Variants in MED15 observed in about 807,000 individuals in gnomAD.
The protein encoded by MED15 is mediator complex subunit 15.
Under a neutral mutation model 118.7 loss-of-function variants are expected in MED15, and 41 were observed. That is an observed-to-expected ratio of 0.35 (90% CI 0.27 to 0.45). The LOEUF (loss-of-function observed/expected upper bound fraction) is 0.45. MED15 is among the 20% of genes least tolerant of loss of function. The pLI, the probability that MED15 is intolerant of heterozygous loss-of-function variation, is 1.00. For missense variants in MED15, 740 were observed against 1,025.5 expected (o/e 0.72, Z 3.80); for synonymous variants, 436 against 413.9 (o/e 1.05, Z -0.65).
chr22:20,530,815 G>A (rs1569184366), intron 1 of MED15, among the ~76,000 whole-genome samples: 1 of 152,190 alleles, frequency 6.6e-6, no homozygotes, highest in Non-Finnish European at 1.5e-5. Context: ...GAGCTCCAAT[G>A]GGAGGGTGGC....
intron 9 of MED15, among the ~76,000 whole-genome samples, chr22:20,578,309 C>T (rs913577086): frequency 1.3e-5 from 2 of 152,196 alleles, no homozygotes; most frequent in Non-Finnish European, 2.9e-5. Flanking sequence ...GGGAGAAAAG[C>T]GAATAGAGGG....
At chr22:20,562,599 G>T (rs2056285968) in intron 5 of MED15, among the ~76,000 whole-genome samples, 1 of 152,056 alleles carries the variant, frequency 6.6e-6, no homozygotes, top group South Asian at 2.1e-4. Flanking sequence ...GGCCAAGCTG[G>T]TCTCAAACTC....
intron 5 of MED15, among the ~76,000 whole-genome samples, chr22:20,558,157 C>T (rs1207997832): frequency 1.3e-5 from 2 of 152,098 alleles, no homozygotes; most frequent in Admixed American, 6.5e-5. Flanking sequence ...ATCTTGTTAC[C>T]ACCTTTGTCA....
At chr22:20,523,401 G>A (rs1274597653) in intron 1 of MED15, among the ~76,000 whole-genome samples, 4 of 152,128 alleles carry the variant, frequency 2.6e-5, no homozygotes, top group East Asian at 3.9e-4. Context: ...GTTCCCAGAA[G>A]TAGAGATAAT....
intron 13 of MED15, 176 bp from the exon 14 acceptor site, chr22:20,584,183 G>C (rs935581462): frequency 1.7e-5 from 11 of 642,782 alleles, no homozygotes; most frequent in African/African-American, 7.2e-5. Context: ...GGGACAAGCA[G>C]CTCCTGGGGT....
chr22:20,560,964 G>C (rs1332867001), intron 5 of MED15, among the ~76,000 whole-genome samples: 1 of 152,162 alleles, frequency 6.6e-6, no homozygotes, highest in Non-Finnish European at 1.5e-5. Context: ...GGGAGATAGA[G>C]CGTGAATATC....
chr22:20,575,307 G>T, intron 9 of MED15, 75 bp downstream of exon 9: 1 of 1,533,244 alleles, frequency 6.5e-7, no homozygotes. Flanking sequence ...AAGCGCACCT[G>T]TCATTATCAT....
intron 5 of MED15, among the ~76,000 whole-genome samples, chr22:20,562,257 A>T (rs1398329995): frequency 6.6e-6 from 1 of 152,226 alleles, no homozygotes; most frequent in African/African-American, 2.4e-5. Flanking sequence ...CAAAAAATTC[A>T]TTTACAGAAA....
intron 1 of MED15, among the ~76,000 whole-genome samples, chr22:20,513,014 A>G (rs971793479): frequency 1.9e-4 from 29 of 152,020 alleles, no homozygotes; most frequent in Non-Finnish European, 1.5e-5. Context: ...TGCTGAGATT[A>G]CAGACATGAG....
chr22:20,567,068 G>T (rs11705359), intron 7 of MED15, among the ~76,000 whole-genome samples: 17,134 of 152,188 alleles, frequency 0.11, 1,272 homozygotes, highest in Non-Finnish European at 0.15. Flanking sequence ...GCACCAAGTC[G>T]CATTCCAAGC....
intron 5 of MED15, among the ~76,000 whole-genome samples, chr22:20,564,194 T>C (rs1487534338): frequency 6.6e-6 from 1 of 152,216 alleles, no homozygotes; most frequent in African/African-American, 2.4e-5. Context: ...GGCTTCTTAT[T>C]TATCCAAAAG....
At chr22:20,547,520 C>A (rs948286953) in intron 2 of MED15, among the ~76,000 whole-genome samples, 1 of 152,058 alleles carries the variant, frequency 6.6e-6, no homozygotes, top group Non-Finnish European at 1.5e-5. Context: ...CGTGTCTCTC[C>A]AAAAAATACA....
chr22:20,518,746 C>A, intron 1 of MED15: 1 of 371,164 alleles, frequency 2.7e-6, no homozygotes, highest in East Asian at 8.0e-5. Flanking sequence ...TTAATTAAAG[C>A]CTGCCATGGT....
chr22:20,563,641 C>G (rs964869963), intron 5 of MED15, among the ~76,000 whole-genome samples: 8 of 152,090 alleles, frequency 5.3e-5, no homozygotes, highest in Non-Finnish European at 4.4e-5. Flanking sequence ...GTACACACAC[C>G]CACACAAGTG....
chr22:20,563,416 G>C (rs2056316807), intron 5 of MED15, among the ~76,000 whole-genome samples: 1 of 152,280 alleles, frequency 6.6e-6, no homozygotes, highest in South Asian at 2.1e-4. Context: ...TCCCAAAAAG[G>C]TTCATACTGT....
intron 2 of MED15, among the ~76,000 whole-genome samples, chr22:20,544,433 AG>A (rs1167507332): frequency 6.6e-6 from 1 of 152,194 alleles, no homozygotes; most frequent in African/African-American, 2.4e-5. Context: ...TGGGAGGCTG[AG>A]GCGGGCAGAT....
chr22:20,544,528 G>A (rs147989304), intron 2 of MED15, among the ~76,000 whole-genome samples: 5,654 of 151,876 alleles, frequency 0.037, 328 homozygotes, highest in African/African-American at 0.13. Context: ...CTAGCCAGGC[G>A]TGGTGGCGGG....
At position 20,582,831 on chromosome 22, in the gene MED15, T is replaced by C. The variant is rs2057029977; in HGVS notation, c.1410-9T>C. On this transcript the variant is annotated splice_polypyrimidine_tract_variant and intron_variant, in intron 10 of 17. Coordinates refer to ENST00000263205, the MANE Select transcript of MED15 (RefSeq NM_001003891.3). ...CCCCGGCTCACATGTTTCTCTCACT[T>C]GGCTGCAGCTCTGGCCCTGCCCCAT... The C allele has an allele frequency of 4.3e-6, 7 of 1,610,410 alleles. No homozygotes were observed. The highest frequency in any genetic ancestry group is 5.9e-6 in the Non-Finnish European group (7 of 1,179,330).
intron 1 of MED15, among the ~76,000 whole-genome samples, chr22:20,535,563 C>A (rs1269416301): frequency 6.9e-6 from 1 of 144,472 alleles, no homozygotes; most frequent in Non-Finnish European, 1.5e-5. Context: ...TGCTTTCTTT[C>A]TTTTTTTTTT....
Sources: allele counts gnomAD v4.1 joint callset (sites outside exome capture counted in the v4.1 genomes callset), GRCh38; gene constraint gnomAD v4.1.1; transcripts MANE v1.5; gene names NCBI Gene and HGNC (gene_info 2026-07-23, HGNC 2026-07-21).